The following ANKRD11 variants were observed in gnomAD, a reference collection of about 807,000 sequenced individuals.
ANKRD11 encodes the protein ankyrin repeat domain-containing protein 11.
In ANKRD11, 17 loss-of-function variants were observed where a neutral mutation model predicts 195.7. The ratio of observed to expected loss-of-function variants is 0.09; its 90% CI spans 0.06 to 0.13. The LOEUF (loss-of-function observed/expected upper bound fraction) is 0.13, where lower values mean the gene tolerates loss of function less well. Ranked by LOEUF, ANKRD11 falls within the 10% of genes least tolerant of loss-of-function variation. The pLI is 1.00. For synonymous variants in ANKRD11, 1,953 were observed against 1,528.1 expected, an observed-to-expected ratio of 1.28 and a Z score of -6.49; for missense variants, 3,735 against 3,566.1, an observed-to-expected ratio of 1.05 and a Z score of -1.21.
chr16:89,316,856 G>C, intron 3 of ANKRD11, 77 bp downstream of exon 3: 1 of 1,536,090 alleles, frequency 6.5e-7, no homozygotes, highest in Non-Finnish European at 8.9e-7. Context: ...ACAGGCCACA[G>C]GCGGGCAGCA....
chr16:89,324,569 C>T lies in ANKRD11; in HGVS notation c.-59-7491G>A, dbSNP rs7186101. The T allele has an allele frequency of 7.2e-3, 3,275 of 454,436 alleles. 81 individuals carry two copies. The highest frequency in any genetic ancestry group is 0.059 in the African/African-American group (2,971 of 50,144). The allele number at this position is 454,436 out of a possible 1,614,324, so 28.2% of individuals were successfully genotyped here. On this transcript the variant is annotated intron_variant, in intron 2 of 12. Transcript: ENST00000301030. ...GACGGGGAGAGGCCGACGAACCCTC[C>T]ATCTGGGGGGGCATGATCTCATCAG...
chr16:89,385,008 C>T lies in ANKRD11; in HGVS notation c.-60+33276G>A, dbSNP rs987906976. On this transcript the variant is annotated intron_variant, in intron 2 of 12. Transcript: ENST00000301030. ...TCAAGTGATTCTCCTGACTCAGCCT[C>T]CCAAGTAGCTGGAACTACAGGCACA... Among the ~76,000 whole-genome samples the T allele has an allele frequency of 2.7e-5, 4 of 147,764 alleles. No homozygotes were observed. The East Asian group carries it at 8.2e-4, about 30-fold the overall frequency.
intron 1 of ANKRD11, among the ~76,000 whole-genome samples, chr16:89,435,298 T>C (rs551213915): frequency 2.3e-4 from 35 of 152,216 alleles, no homozygotes; most frequent in African/African-American, 7.5e-4. Context: ...GCTCTGTAAA[T>C]GGACCAATCA....
At chr16:89,417,015 C>G (rs370847505) in intron 2 of ANKRD11, among the ~76,000 whole-genome samples, 2 of 152,156 alleles carry the variant, frequency 1.3e-5, no homozygotes, top group African/African-American at 4.8e-5. Context: ...GCCCACTACC[C>G]AGGCTGGCTT....
intron 4 of ANKRD11, among the ~76,000 whole-genome samples, chr16:89,302,514 G>T (rs1371950223): frequency 1.3e-5 from 2 of 152,138 alleles, no homozygotes; most frequent in Non-Finnish European, 2.9e-5. Flanking sequence ...GCCTCCCAAA[G>T]TACTGGGATT....
intron 1 of ANKRD11, among the ~76,000 whole-genome samples, chr16:89,436,723 G>A (rs894829155): frequency 3.3e-5 from 5 of 152,124 alleles, no homozygotes; most frequent in African/African-American, 9.7e-5. Context: ...CGGAGGACAC[G>A]CGAAAAACCA....
chr16:89,396,981 G>C (rs1345420033), intron 2 of ANKRD11, among the ~76,000 whole-genome samples: 1 of 152,062 alleles, frequency 6.6e-6, no homozygotes, highest in Non-Finnish European at 1.5e-5. Context: ...TGAGCCAGGG[G>C]ACTTGACCAG....
chr16:89,389,206 G>A (rs2041063493), intron 2 of ANKRD11, among the ~76,000 whole-genome samples: 1 of 151,220 alleles, frequency 6.6e-6, no homozygotes, highest in African/African-American at 2.4e-5. Flanking sequence ...TTTACTTTTA[G>A]TAGAGATGAG....
chr16:89,301,041 C>G, intron 4 of ANKRD11: 1 of 569,290 alleles, frequency 1.8e-6, no homozygotes, highest in Non-Finnish European at 3.1e-6. Flanking sequence ...CCCCAGAACC[C>G]CAGGGAGGCC....
chr16:89,476,617 TAC>T (rs1415001607), intron 1 of ANKRD11, among the ~76,000 whole-genome samples: 1 of 152,168 alleles, frequency 6.6e-6, no homozygotes, highest in East Asian at 1.9e-4. Context: ...GCCTGGCAGT[TAC>T]AGACACTGAG....
rs181448863 is a variant in ANKRD11, at chr16:89,424,318, G to T, written c.-144-5950C>A. Among the ~76,000 whole-genome samples the T allele has an allele frequency of 4.1e-4, 63 of 152,196 alleles. No individual in the cohort carries two copies. The East Asian group carries it at 6.8e-3, about 16-fold the overall frequency. On this transcript the variant is annotated intron_variant, in intron 1 of 12. Transcript: ENST00000301030. ...TAGCCAGGCGTGGTGGCGCATGCCT[G>T]TAATCCCAGCTACTCGGGAGACTGA...
chr16:89,350,267 C>A (rs2039148262), intron 2 of ANKRD11, among the ~76,000 whole-genome samples: 1 of 152,196 alleles, frequency 6.6e-6, no homozygotes, highest in Non-Finnish European at 1.5e-5. Flanking sequence ...GGAAAAGAGT[C>A]TGGCAGGTTC....
At chr16:89,352,105 G>T (rs1328083169) in intron 2 of ANKRD11, among the ~76,000 whole-genome samples, 2 of 152,062 alleles carry the variant, frequency 1.3e-5, no homozygotes, top group African/African-American at 4.8e-5. Flanking sequence ...TGGTCAGATT[G>T]GTCTCAAACT....
chr16:89,486,373 C>A (rs573165312), intron 1 of ANKRD11, among the ~76,000 whole-genome samples: 1 of 150,584 alleles, frequency 6.6e-6, no homozygotes, highest in South Asian at 2.1e-4. Context: ...CTCAGGGAGT[C>A]GAGACTGAAG....
chr16:89,447,484 C>A (rs2043846003), intron 1 of ANKRD11, among the ~76,000 whole-genome samples: 1 of 152,182 alleles, frequency 6.6e-6, no homozygotes, highest in Non-Finnish European at 1.5e-5. Flanking sequence ...GCACCCACAT[C>A]CCGGCTGTCG....
At chr16:89,302,235 C>T (rs1415904973) in intron 4 of ANKRD11, among the ~76,000 whole-genome samples, 2 of 152,178 alleles carry the variant, frequency 1.3e-5, no homozygotes, top group Non-Finnish European at 1.5e-5. Flanking sequence ...TGGGGCTGAA[C>T]GCACTGGAGT....
At chr16:89,422,999 C>T (rs1257254418) in intron 1 of ANKRD11, among the ~76,000 whole-genome samples, 2 of 152,220 alleles carry the variant, frequency 1.3e-5, no homozygotes, top group African/African-American at 4.8e-5. Context: ...TCTGTCCACA[C>T]TGACTAACCC....
chr16:89,475,141 G>A (rs1488997901), intron 1 of ANKRD11, among the ~76,000 whole-genome samples: 1 of 152,236 alleles, frequency 6.6e-6, no homozygotes, highest in Non-Finnish European at 1.5e-5. Flanking sequence ...GGCAGAGAAA[G>A]GCTGGGGAGC....
intron 2 of ANKRD11, among the ~76,000 whole-genome samples, chr16:89,339,061 G>C (rs560902107): frequency 6.6e-6 from 1 of 152,250 alleles, no homozygotes; most frequent in South Asian, 2.1e-4. Flanking sequence ...TCTAAACCAG[G>C]AGGACAGACG....
Sources: gnomAD v4.1 joint callset for allele counts (sites outside exome capture counted in the v4.1 genomes callset) on GRCh38, gnomAD v4.1.1 for gene constraint, MANE v1.5 for transcripts, NCBI Gene and HGNC (gene_info 2026-07-23, HGNC 2026-07-21) for gene names.